The following WRN variants were observed in gnomAD, a reference collection of about 807,000 sequenced individuals.
WRN encodes WRN RecQ like helicase, also known as bifunctional 3'-5' exonuclease/ATP-dependent helicase WRN.
Under a neutral mutation model 180.7 loss-of-function variants are expected in WRN, and 149 were observed. The observed-to-expected ratio is 0.82, with a 90% CI of 0.72 to 0.94. The LOEUF is 0.94. Ranked by LOEUF, WRN falls within the 40% of genes least tolerant of loss-of-function variation. The pLI is 0.00. For synonymous variants in WRN, 548 were observed against 568.9 expected (o/e 0.96, Z 0.52); for missense variants, 1,661 against 1,700.1 (o/e 0.98, Z 0.40).
chr8:31,154,075 T>A (rs532509768), intron 31 of WRN, among the ~76,000 whole-genome samples: 2 of 152,140 alleles, frequency 1.3e-5, no homozygotes, highest in South Asian at 4.2e-4. Context: ...TTCATTAATC[T>A]TGTTTTTCAG....
intron 4 of WRN, among the ~76,000 whole-genome samples, 168 bp from the exon 5 acceptor site, chr8:31,064,747 C>A (rs962654960): frequency 3.3e-5 from 5 of 152,160 alleles, no homozygotes; most frequent in Non-Finnish European, 5.9e-5. Context: ...TGTCATTTAT[C>A]AATCAGGACT....
chr8:31,122,056 T>C (rs568628527), intron 21 of WRN, among the ~76,000 whole-genome samples: 2 of 152,106 alleles, frequency 1.3e-5, no homozygotes, highest in East Asian at 3.9e-4. Flanking sequence ...GGTTCATCAA[T>C]AAATACAATT....
intron 18 of WRN, among the ~76,000 whole-genome samples, chr8:31,101,787 C>CAAAAAAA (rs60342321): frequency 2.4e-5 from 1 of 42,054 alleles, no homozygotes; most frequent in African/African-American, 8.3e-5. Flanking sequence ...AACTCTGTCT[C>CAAAAAAA]AAAAAAAAAA....
In WRN at chr8:31,085,067, C is replaced by T. The variant is rs397893076; in HGVS notation, c.1351-99C>T. Reference sequence around the variant, plus strand: ...TATATATCCATTAGGGAAGAGGAAGCTGTCTAAAGATATCTAGTATATAGG... The same window carrying T: ...TATATATCCATTAGGGAAGAGGAAGTTGTCTAAAGATATCTAGTATATAGG... On this transcript the variant is annotated intron_variant, in intron 10 of 34. Coordinates refer to ENST00000298139, the MANE Select transcript of WRN (RefSeq NM_000553.6). 118 of 1,014,806 alleles carry T rather than the reference C, an allele frequency of 1.2e-4. No homozygotes were observed. The East Asian group carries it at 1.2e-3, about 11-fold the overall frequency. 62.9% of individuals were successfully genotyped at this position (1,014,806 alleles called of 1,614,324 possible).
intron 7 of WRN, among the ~76,000 whole-genome samples, chr8:31,075,102 A>G (rs968187953): frequency 1.3e-5 from 2 of 152,188 alleles, no homozygotes; most frequent in Admixed American, 1.3e-4. Flanking sequence ...TGTTGAACTC[A>G]CTGGCAGTGA....
chr8:31,043,438 C>T (rs1037588846), intron 1 of WRN, among the ~76,000 whole-genome samples: 2 of 152,098 alleles, frequency 1.3e-5, no homozygotes, highest in Non-Finnish European at 2.9e-5. Context: ...GAGGTCAGTT[C>T]CATCCATAAA....
At chr8:31,043,947 A>C (rs1563319097) in intron 1 of WRN, among the ~76,000 whole-genome samples, 1 of 151,844 alleles carries the variant, frequency 6.6e-6, no homozygotes, top group African/African-American at 2.4e-5. Flanking sequence ...AAAATATCTG[A>C]TTTTTCTTCT....
At chr8:31,101,435 A>G (rs1814227203) in intron 18 of WRN, among the ~76,000 whole-genome samples, 1 of 152,200 alleles carries the variant, frequency 6.6e-6, no homozygotes, top group Non-Finnish European at 1.5e-5. Context: ...ACTATTCTAT[A>G]GAAATTTTAT....
chr8:31,135,562 CT>C (rs1802366758), intron 24 of WRN, among the ~76,000 whole-genome samples: 1 of 152,082 alleles, frequency 6.6e-6, no homozygotes, highest in Non-Finnish European at 1.5e-5. Context: ...CATATAAATG[CT>C]GTTGAAGTTC....
In WRN at chr8:31,120,405, G is replaced by A. The variant is rs1333185923; in HGVS notation, c.2611G>A (p.Ala871Thr). The part of the protein sequence containing the change: ...QSSCHVLWAP[A>T]DINLNRHLLT... ...TTCTTGTCACGTCCTCTGGGCTCCT[G>A]CAGACATTAACTTAAATAGGTAAAA... Residue 871 changes from alanine (A) to threonine (T), a missense_variant, in exon 21 of 35, where the codon GCA becomes ACA. By Grantham distance (58) the Ala-to-Thr change is moderately conservative (BLOSUM62 0). This residue lies in a region of WRN where 1,141 missense variants were observed against 1,149.4 expected (regional missense o/e 0.99). Coordinates refer to ENST00000298139, the MANE Select transcript of WRN (RefSeq NM_000553.6). 2 of 1,612,280 alleles carry A rather than the reference G, an allele frequency of 1.2e-6. No homozygotes were observed. Among genetic ancestry groups the A allele is most frequent in the Non-Finnish European group, 1.7e-6 (2 of 1,178,922 alleles).
At chr8:31,080,829 A>G (rs1271793180) in intron 8 of WRN, 38 bp from the exon 9 acceptor site, 3 of 1,521,312 alleles carry the variant, frequency 2.0e-6, no homozygotes, top group Non-Finnish European at 2.7e-6. Context: ...AGTTAATGCA[A>G]TTGAAGTTGA....
intron 1 of WRN, among the ~76,000 whole-genome samples, chr8:31,049,612 C>A (rs1285087455): frequency 2.0e-5 from 3 of 151,706 alleles, no homozygotes; most frequent in African/African-American, 7.3e-5. Flanking sequence ...TCCATTTTCT[C>A]TTCTCTGTTT....
Position 31,153,474 on chromosome 8 carries a change from A to T in WRN, c.3688-1150A>T, listed in dbSNP as rs185024254. 7.8e-4 allele frequency among the ~76,000 whole-genome samples: 119 copies of T among 152,314 alleles called. 2 individuals are homozygous for T. Among genetic ancestry groups the T allele is most frequent in the African/African-American group, 2.8e-3 (118 of 41,562 alleles). ...GAAGCTGTAAAAGAGAAACAGAAACATGTAACACCTGGGACTGTTTTATTA... is the reference window on the plus strand; with the variant it reads ...GAAGCTGTAAAAGAGAAACAGAAACTTGTAACACCTGGGACTGTTTTATTA... On this transcript the variant is annotated intron_variant, in intron 31 of 34. Coordinates refer to ENST00000298139, the MANE Select transcript of WRN (RefSeq NM_000553.6).
In WRN at chr8:31,088,873, T is replaced by G. The variant is rs145080962; in HGVS notation, c.1577-17T>G. ...TTTTCTACTTGAACATAAATGCACA[T>G]TTTATTTTATTTCCAGACTTTTTGT... On this transcript the variant is annotated splice_polypyrimidine_tract_variant and intron_variant, in intron 12 of 34. Coordinates refer to ENST00000298139, the MANE Select transcript of WRN (RefSeq NM_000553.6). 6.6e-4 allele frequency: 1,053 copies of G among 1,601,474 alleles called. 5 individuals are homozygous for G. In the African/African-American group the frequency reaches 0.012, roughly 18 times the overall value.
intron 32 of WRN, among the ~76,000 whole-genome samples, chr8:31,155,622 C>CA (rs748568497): frequency 0.33 from 31,860 of 98,024 alleles, 4,433 homozygotes; most frequent in South Asian, 0.38. Context: ...ACTCGGTCTC[C>CA]AAAAAAAAAA....
At chr8:31,041,181 A>G (rs7003234) in intron 1 of WRN, among the ~76,000 whole-genome samples, 103 of 152,292 alleles carry the variant, frequency 6.8e-4, no homozygotes, top group African/African-American at 2.4e-3. Context: ...CAGGAGACAT[A>G]CCCACGGGAG....
In WRN at chr8:31,173,833, G is replaced by T. The variant is rs896998158; in HGVS notation, c.*731G>T. 6.6e-6 allele frequency: 1 copy of T among 151,924 alleles called. No individual in the cohort carries two copies. Among genetic ancestry groups the T allele is most frequent in the African/African-American group, 2.4e-5 (1 of 41,318 alleles). 9.4% of individuals were successfully genotyped at this position (151,924 alleles called of 1,614,324 possible). On this transcript the variant is annotated 3_prime_UTR_variant, in exon 35 of 35. Transcript: ENST00000298139. ...TTATTTTTCCAGGATGTCAGAATTT[G>T]ATTCTAATCTCTCTTATGTAGCACA...
At chr8:31,147,602 CT>C in intron 30 of WRN, 126 bp downstream of exon 30, 1 of 850,764 alleles carries the variant, frequency 1.2e-6, no homozygotes. Flanking sequence ...CAGATTCCCC[CT>C]GCTGCGATGC....
chr8:31,060,939 G>T (rs1442820014), intron 3 of WRN, among the ~76,000 whole-genome samples: 1 of 152,140 alleles, frequency 6.6e-6, no homozygotes, highest in Non-Finnish European at 1.5e-5. Context: ...ATGTGCCCTT[G>T]TGTAATGTGG....
Sources: gnomAD v4.1 joint callset for allele counts (sites outside exome capture counted in the v4.1 genomes callset) on GRCh38, gnomAD v4.1.1 for gene constraint, gnomAD v4.1.1 regional missense constraint, MANE v1.5 for transcripts, NCBI Gene and HGNC (gene_info 2026-07-23, HGNC 2026-07-21) for gene names.